The following CABLES1 variants were observed in gnomAD, a reference collection of about 807,000 sequenced individuals.
CABLES1 encodes Cdk5 and Abl enzyme substrate 1.
CABLES1 carries 36 observed loss-of-function variants against 57.8 expected under a neutral mutation model. The ratio of observed to expected loss-of-function variants is 0.62; its 90% CI spans 0.48 to 0.82. The LOEUF (loss-of-function observed/expected upper bound fraction) is 0.82, where lower values mean the gene tolerates loss of function less well. Ranked by LOEUF, CABLES1 falls within the 40% of genes least tolerant of loss-of-function variation. CABLES1 has a pLI of 0.00. For missense variants in CABLES1, 767 were observed against 836.6 expected, an observed-to-expected ratio of 0.92 and a Z score of 1.03; for synonymous variants, 374 against 363.0, an observed-to-expected ratio of 1.03 and a Z score of -0.35.
intron 7 of CABLES1, among the ~76,000 whole-genome samples, chr18:23,252,328 C>T (rs1340605903): frequency 6.6e-6 from 1 of 152,090 alleles, no homozygotes; most frequent in Non-Finnish European, 1.5e-5. Flanking sequence ...TTCTTAATGC[C>T]ACTGAATGGT....
intron 1 of CABLES1, among the ~76,000 whole-genome samples, chr18:23,174,438 A>G (rs974226086): frequency 1.3e-5 from 2 of 150,758 alleles, no homozygotes; most frequent in Non-Finnish European, 3.0e-5. Context: ...TATATTTAGG[A>G]GTGGGATTGT....
chr18:23,174,622 C>T lies in CABLES1; in HGVS notation c.846-14216C>T, dbSNP rs191386531. ...GAGTAGCTGGGACTACAGGCACCCA[C>T]CACCACACCCGGCTAATTTTTTTGC... On this transcript the variant is annotated intron_variant, in intron 1 of 9. Coordinates refer to ENST00000256925, the MANE Select transcript of CABLES1 (RefSeq NM_001100619.3). Among the ~76,000 whole-genome samples the T allele has an allele frequency of 1.8e-3, 276 of 151,774 alleles. 1 individual carries two copies. The highest frequency in any genetic ancestry group is 6.8e-3 in the Middle Eastern group (2 of 294).
At chr18:23,245,113 C>T (rs974631425) in intron 7 of CABLES1, among the ~76,000 whole-genome samples, 4 of 152,232 alleles carry the variant, frequency 2.6e-5, no homozygotes, top group Admixed American at 2.6e-4. Flanking sequence ...GGGGCATTCA[C>T]TTCACAGCAT....
chr18:23,162,124 C>T (rs1386181634), intron 1 of CABLES1, among the ~76,000 whole-genome samples: 2 of 151,758 alleles, frequency 1.3e-5, no homozygotes, highest in African/African-American at 2.4e-5. Context: ...GAGACTGCAC[C>T]ATTGCACTCC....
intron 1 of CABLES1, among the ~76,000 whole-genome samples, chr18:23,181,172 T>G (rs2047162655): frequency 6.6e-6 from 1 of 152,084 alleles, no homozygotes; most frequent in Non-Finnish European, 1.5e-5. Flanking sequence ...TTGACCAGAC[T>G]GGGAATGCAT....
chr18:23,221,356 G>A (rs2145063765), intron 4 of CABLES1, among the ~76,000 whole-genome samples: 1 of 152,318 alleles, frequency 6.6e-6, no homozygotes, highest in Non-Finnish European at 1.5e-5. Flanking sequence ...TTTTACTTTA[G>A]GAATTCAAAG....
intron 2 of CABLES1, among the ~76,000 whole-genome samples, chr18:23,194,053 G>T (rs116811552): frequency 6.6e-6 from 1 of 152,106 alleles, no homozygotes; most frequent in Non-Finnish European, 1.5e-5. Context: ...TGAATTTTCC[G>T]ATGTTTCCCT....
chr18:23,199,575 T>G (rs1250843466), intron 3 of CABLES1, among the ~76,000 whole-genome samples: 1 of 152,124 alleles, frequency 6.6e-6, no homozygotes, highest in East Asian at 1.9e-4. Flanking sequence ...ATAAGCTGAG[T>G]GAAATGAGCC....
intron 1 of CABLES1, among the ~76,000 whole-genome samples, chr18:23,177,418 T>TACAC (rs10692529): frequency 0.15 from 22,284 of 144,608 alleles, 1,722 homozygotes; most frequent in East Asian, 0.2. Flanking sequence ...AGCACATGTG[T>TACAC]ACACACACAC....
In CABLES1 at chr18:23,161,574, C is replaced by G. The variant is rs545849175; in HGVS notation, c.845+24967C>G. Among the ~76,000 whole-genome samples, 7 of 149,872 alleles carry G rather than the reference C, an allele frequency of 4.7e-5. No homozygotes were observed. In the Admixed American group the frequency reaches 4.7e-4, roughly 10 times the overall value. On this transcript the variant is annotated intron_variant, in intron 1 of 9. Coordinates refer to ENST00000256925, the MANE Select transcript of CABLES1 (RefSeq NM_001100619.3). The stretch of plus-strand genomic sequence containing the variant: ...GCTGTGTTCCCATGGAGTTTGAGGC[C>G]TAACATACGTATGTATCTGCATTTA...
intron 7 of CABLES1, among the ~76,000 whole-genome samples, chr18:23,242,846 T>C (rs114911905): frequency 0.014 from 2,205 of 152,236 alleles, 47 homozygotes; most frequent in African/African-American, 0.048. Context: ...CCTCTACCCC[T>C]ACATCTCCCC....
intron 4 of CABLES1, among the ~76,000 whole-genome samples, chr18:23,228,731 A>G (rs985336042): frequency 2.8e-5 from 4 of 144,864 alleles, no homozygotes; most frequent in African/African-American, 1.0e-4. Context: ...CCAGTTTTAA[A>G]TGTCAGCCTT....
intron 2 of CABLES1, 142 bp downstream of exon 2, chr18:23,189,051 G>A (rs1323383990): frequency 6.6e-6 from 4 of 609,410 alleles, no homozygotes; most frequent in South Asian, 2.0e-5. Context: ...ACATCTCCTA[G>A]TGTCTAACCC....
chr18:23,159,817 A>T (rs574089403), intron 1 of CABLES1, among the ~76,000 whole-genome samples: 1 of 151,808 alleles, frequency 6.6e-6, no homozygotes, highest in African/African-American at 2.4e-5. Context: ...ATTGTTGTGT[A>T]TTTTTTCCCA....
intron 1 of CABLES1, among the ~76,000 whole-genome samples, chr18:23,152,205 C>CA (rs1288536745): frequency 6.6e-6 from 1 of 152,030 alleles, no homozygotes; most frequent in Non-Finnish European, 1.5e-5. Context: ...CCAGCCTGGG[C>CA]AACATAGTGA....
chr18:23,175,272 T>C (rs889156344), intron 1 of CABLES1, among the ~76,000 whole-genome samples: 1 of 152,174 alleles, frequency 6.6e-6, no homozygotes, highest in Non-Finnish European at 1.5e-5. Context: ...AAATGTATAA[T>C]TGTTCTAATC....
rs538989943 is a variant in CABLES1, at chr18:23,260,064, C to G, written c.*2697C>G. The G allele has an allele frequency of 6.6e-6, 1 of 152,278 alleles. No homozygotes were observed. Among genetic ancestry groups the G allele is most frequent in the Admixed American group, 6.5e-5 (1 of 15,298 alleles). The allele number at this position is 152,278 out of a possible 1,614,324, so 9.4% of individuals were successfully genotyped here. On this transcript the variant is annotated 3_prime_UTR_variant, in exon 10 of 10. Coordinates refer to ENST00000256925, the MANE Select transcript of CABLES1 (RefSeq NM_001100619.3). ...GGTAAGAGACAGGAAGCAGACAAGC[C>G]AAGAGGTTGCTGCAGCTGCCCCCAG...
At chr18:23,207,694 T>TGAGG (rs200235237) in intron 3 of CABLES1, among the ~76,000 whole-genome samples, 115 of 147,214 alleles carry the variant, frequency 7.8e-4, no homozygotes, top group African/African-American at 2.7e-3. Flanking sequence ...AATATTTGTG[T>TGAGG]GAGGGAGGGA....
intron 3 of CABLES1, among the ~76,000 whole-genome samples, chr18:23,208,799 C>T (rs1179037380): frequency 6.6e-6 from 1 of 152,180 alleles, no homozygotes; most frequent in Non-Finnish European, 1.5e-5. Flanking sequence ...CCCTCTGAGC[C>T]CCAGGGGAAG....
Sources: gnomAD v4.1 joint callset for allele counts (sites outside exome capture counted in the v4.1 genomes callset) on GRCh38, gnomAD v4.1.1 for gene constraint, MANE v1.5 for transcripts, NCBI Gene and HGNC (gene_info 2026-07-23, HGNC 2026-07-21) for gene names.